INSC: variants seen among roughly 807,000 people sequenced by gnomAD.
INSC encodes the protein INSC spindle orientation adaptor protein.
Under a neutral mutation model 58.6 loss-of-function variants are expected in INSC, and 67 were observed. The ratio of observed to expected loss-of-function variants is 1.14; its 90% CI spans 0.94 to 1.40. The LOEUF is 1.40. Ranked by LOEUF, INSC falls within the 40% of genes most tolerant of loss-of-function variation. The probability of loss-of-function intolerance (pLI) is 0.00; values close to 1 mark genes in which losing one functional copy is unlikely to be tolerated. For missense variants in INSC, 714 were observed against 692.0 expected (o/e 1.03, Z -0.36); for synonymous variants, 262 against 276.1 (o/e 0.95, Z 0.51).
chr11:15,267,891 TAGTTA>T, the INSC span, among the ~76,000 whole-genome samples: 1 of 152,018 alleles, frequency 6.6e-6, no homozygotes, highest in African/African-American at 2.4e-5. Flanking sequence ...GTGTGGGATG[TAGTTA>T]AGTTATTTGA....
At chr11:15,130,035 G>A (rs1030392787) in intron 1 of INSC, among the ~76,000 whole-genome samples, 4 of 152,206 alleles carry the variant, frequency 2.6e-5, no homozygotes, top group South Asian at 2.1e-4. Context: ...GGAAAACCAC[G>A]TCAGCTGCAA....
chr11:15,120,424 TC>T (rs1305079021), intron 1 of INSC, among the ~76,000 whole-genome samples: 1 of 152,164 alleles, frequency 6.6e-6, no homozygotes, highest in Non-Finnish European at 1.5e-5. Flanking sequence ...AAGTGTTGTC[TC>T]CAACTGGGGC....
intron 5 of INSC, 135 bp from the exon 6 acceptor site, chr11:15,190,566 A>C (rs1850127179): frequency 2.8e-6 from 2 of 710,476 alleles, no homozygotes. Context: ...TTGCACTCAC[A>C]ATGAGGCAGT....
chr11:15,113,129 C>CTTTCTT (rs1554899343), upstream of INSC, among the ~76,000 whole-genome samples: 4 of 123,548 alleles, frequency 3.2e-5, no homozygotes, highest in Non-Finnish European at 5.3e-5. Flanking sequence ...CTCTTTCTTT[C>CTTTCTT]TTTCTTTCTT....
intron 7 of INSC, among the ~76,000 whole-genome samples, chr11:15,204,415 A>G (rs1850715793): frequency 6.6e-6 from 1 of 152,154 alleles, no homozygotes; most frequent in Non-Finnish European, 1.5e-5. Flanking sequence ...TTTCCTCCAT[A>G]TCATATTGCT....
chr11:15,117,720 T>G (rs1316318375), intron 1 of INSC, among the ~76,000 whole-genome samples: 1 of 152,220 alleles, frequency 6.6e-6, no homozygotes, highest in Admixed American at 6.5e-5. Flanking sequence ...TCACACTGGA[T>G]TTTCCTGGGA....
In INSC at chr11:15,125,498, A is replaced by T. The variant is rs1847972475; in HGVS notation, c.-46+10495A>T. Among the ~76,000 whole-genome samples, 3 of 152,218 alleles carry T rather than the reference A, an allele frequency of 2.0e-5. No homozygotes were observed. In the South Asian group the frequency reaches 6.2e-4, roughly 32 times the overall value. ...AATTAGGAGCCTATTATAGTGATTT[A>T]GGTGAGAGATGATGGTGGCTAGGAC... is the stretch of plus-strand genomic sequence containing the variant. On this transcript the variant is annotated intron_variant, in intron 1 of 12. Transcript: ENST00000379556.
At chr11:15,236,815 C>A (rs1175358980) in intron 10 of INSC, among the ~76,000 whole-genome samples, 3 of 152,228 alleles carry the variant, frequency 2.0e-5, no homozygotes, top group Non-Finnish European at 4.4e-5. Flanking sequence ...TCCCTGCTGT[C>A]TTAACAAACA....
At chr11:15,251,631 A>C (rs1945602), downstream of INSC, among the ~76,000 whole-genome samples, 92,331 of 151,958 alleles carry the variant, frequency 0.61, 28,580 homozygotes, top group East Asian at 0.86. Context: ...TAGAAATGGT[A>C]AAAAGGTATG....
chr11:15,116,552 T>TA (rs1454490166), intron 1 of INSC, among the ~76,000 whole-genome samples: 1 of 152,142 alleles, frequency 6.6e-6, no homozygotes, highest in Admixed American at 6.6e-5. Flanking sequence ...GTAGGTGCCC[T>TA]AAAATACCAG....
At chr11:15,210,826 G>A (rs978444850) in intron 7 of INSC, among the ~76,000 whole-genome samples, 4 of 152,000 alleles carry the variant, frequency 2.6e-5, no homozygotes, top group African/African-American at 9.7e-5. Context: ...TTGGGCTGGT[G>A]GGGTGGAGGG....
chr11:15,143,581 T>C (rs200348441), intron 1 of INSC, among the ~76,000 whole-genome samples: 1 of 152,046 alleles, frequency 6.6e-6, no homozygotes, highest in Non-Finnish European at 1.5e-5. Context: ...CAGGAAGCCA[T>C]TGAAGGATTT....
At position 15,177,146 on chromosome 11, in the gene INSC, C is replaced by G. The variant is rs1454739429; in HGVS notation, c.438C>G (p.Leu146=). The G allele has an allele frequency of 6.2e-7, 1 of 1,614,064 alleles. No individual in the cohort carries two copies. Among genetic ancestry groups the G allele is most frequent in the African/African-American group, 1.3e-5 (1 of 75,024 alleles). ...TGCTAATGGAGAAATGCTCGGAGCT[C>G]TCGGCAGTCACAGAGAGGTAAATTT... The part of the protein sequence containing the change: ...EKLLMEKCSE[L]SAVTERCLQV... Residue 146 remains leucine (L), a synonymous_variant, in exon 4 of 13, where the codon CTC becomes CTG. Coordinates refer to ENST00000379556, the MANE Select transcript of INSC (RefSeq NM_001042536.3).
intron 1 of INSC, among the ~76,000 whole-genome samples, chr11:15,121,967 C>G (rs1319072798): frequency 6.6e-6 from 1 of 152,118 alleles, no homozygotes; most frequent in Non-Finnish European, 1.5e-5. Flanking sequence ...GCTTAGTTTC[C>G]TTACTTTGCT....
At chr11:15,189,993 C>G (rs1332042766) in intron 5 of INSC, among the ~76,000 whole-genome samples, 1 of 152,186 alleles carries the variant, frequency 6.6e-6, no homozygotes, top group East Asian at 1.9e-4. Context: ...TCCTGAACCT[C>G]TCTTCTTGGT....
At chr11:15,143,158 A>T (rs1423623762) in intron 1 of INSC, among the ~76,000 whole-genome samples, 1 of 152,134 alleles carries the variant, frequency 6.6e-6, no homozygotes, top group Non-Finnish European at 1.5e-5. Flanking sequence ...CCTGCTCCCC[A>T]CCTTCGGGGG....
chr11:15,176,974 G>A, intron 3 of INSC, 137 bp from the exon 4 acceptor site: 2 of 735,554 alleles, frequency 2.7e-6, no homozygotes, highest in Admixed American at 1.9e-5. Flanking sequence ...GTATCACACT[G>A]TGTTATATTT....
intron 1 of INSC, among the ~76,000 whole-genome samples, chr11:15,145,142 ACTT>A (rs1335354172): frequency 6.6e-6 from 1 of 152,226 alleles, no homozygotes; most frequent in East Asian, 1.9e-4. Flanking sequence ...CAGGAAGGGT[ACTT>A]CTTCTTGGAG....
At chr11:15,257,278 T>C in the INSC span, among the ~76,000 whole-genome samples, 1 of 152,184 alleles carries the variant, frequency 6.6e-6, no homozygotes, top group Non-Finnish European at 1.5e-5. Context: ...AATTTTAGTA[T>C]AGAGAAGAGA....
Sources: allele counts gnomAD v4.1 joint callset (sites outside exome capture counted in the v4.1 genomes callset), GRCh38; gene constraint gnomAD v4.1.1; transcripts MANE v1.5; gene names NCBI Gene and HGNC (gene_info 2026-07-23, HGNC 2026-07-21).